Variants in ZDHHC21 observed in about 807,000 individuals in gnomAD.
The protein encoded by ZDHHC21 is zDHHC palmitoyltransferase 21.
ZDHHC21 carries 15 observed loss-of-function variants against 34.6 expected under a neutral mutation model. That is an observed-to-expected ratio of 0.43 (90% CI 0.29 to 0.67). The LOEUF is 0.67. ZDHHC21 is among the 30% of genes least tolerant of loss of function. ZDHHC21 has a pLI of 0.14. For synonymous variants in ZDHHC21, 142 were observed against 101.8 expected, an observed-to-expected ratio of 1.40 and a Z score of -2.38; for missense variants, 344 against 327.7, an observed-to-expected ratio of 1.05 and a Z score of -0.38.
At chr9:14,678,898 T>C (rs911550644) in intron 3 of ZDHHC21, among the ~76,000 whole-genome samples, 2 of 152,062 alleles carry the variant, frequency 1.3e-5, no homozygotes, top group African/African-American at 4.8e-5. Flanking sequence ...ACCCACAACA[T>C]ACTGCTGAGT....
chr9:14,685,172 G>A (rs903816687), intron 2 of ZDHHC21, among the ~76,000 whole-genome samples: 10 of 151,486 alleles, frequency 6.6e-5, no homozygotes, highest in African/African-American at 2.4e-5. Flanking sequence ...AACACCAAAA[G>A]CAATGGCAAC....
At chr9:14,609,420 G>A (rs1175496045), downstream of ZDHHC21, among the ~76,000 whole-genome samples, 4 of 152,060 alleles carry the variant, frequency 2.6e-5, no homozygotes, top group East Asian at 1.9e-4. Flanking sequence ...TATTTGGCAA[G>A]CATTTTCTCA....
At chr9:14,629,483 GTA>G (rs1455437226) in intron 8 of ZDHHC21, among the ~76,000 whole-genome samples, 1 of 152,092 alleles carries the variant, frequency 6.6e-6, no homozygotes, top group African/African-American at 2.4e-5. Flanking sequence ...AATGAAGCGA[GTA>G]TTGCAATAAA....
At chr9:14,677,060 C>T (rs1289036882) in intron 3 of ZDHHC21, among the ~76,000 whole-genome samples, 1 of 151,956 alleles carries the variant, frequency 6.6e-6, no homozygotes, top group African/African-American at 2.4e-5. Context: ...TTTTTGAACT[C>T]TATTTTTATT....
At chr9:14,641,965 T>C (rs751858846) in intron 7 of ZDHHC21, among the ~76,000 whole-genome samples, 67 of 152,200 alleles carry the variant, frequency 4.4e-4, no homozygotes, top group African/African-American at 1.5e-3. Flanking sequence ...TATTGCATTA[T>C]AGCAGAGCTT....
chr9:14,648,843 A>G (rs1354683516), intron 7 of ZDHHC21, among the ~76,000 whole-genome samples: 1 of 152,062 alleles, frequency 6.6e-6, no homozygotes, highest in Admixed American at 6.6e-5. Flanking sequence ...TAAAATGACA[A>G]TTTTCCTATC....
chr9:14,604,615 G>C, the ZDHHC21 span, among the ~76,000 whole-genome samples: 153 of 152,122 alleles, frequency 1.0e-3, no homozygotes, highest in African/African-American at 3.4e-3. Flanking sequence ...CAAAACATTA[G>C]CATGTAATTA....
intron 7 of ZDHHC21, among the ~76,000 whole-genome samples, chr9:14,649,041 G>A (rs1830757916): frequency 6.6e-6 from 1 of 151,758 alleles, no homozygotes; most frequent in African/African-American, 2.4e-5. Context: ...ACACTCTTGT[G>A]CATTGCAGAA....
At position 14,633,328 on chromosome 9, in the gene ZDHHC21, G is replaced by T. The variant is rs541018111; in HGVS notation, c.621+6568C>A. ...GCTGGGGACATGGAGAGGCTCCCCA[G>T]TGCAGGAAAAGGGTAAGTCAGTGAC... On this transcript the variant is annotated intron_variant, in intron 8 of 9. Transcript: ENST00000380916. 3.9e-5 allele frequency among the ~76,000 whole-genome samples: 6 copies of T among 152,258 alleles called. No homozygotes were observed. The South Asian group carries it at 1.2e-3, about 32-fold the overall frequency.
chr9:14,631,710 G>C (rs1390986874), intron 8 of ZDHHC21, among the ~76,000 whole-genome samples: 1 of 152,014 alleles, frequency 6.6e-6, no homozygotes, highest in East Asian at 1.9e-4. Flanking sequence ...TTATTATTTG[G>C]CCTCATTTCA....
intron 6 of ZDHHC21, among the ~76,000 whole-genome samples, chr9:14,660,598 G>C (rs769282363): frequency 9.2e-5 from 14 of 152,014 alleles, no homozygotes; most frequent in Non-Finnish European, 2.1e-4. Flanking sequence ...AAAAATTCCT[G>C]AATCTCTTTA....
the ZDHHC21 span, among the ~76,000 whole-genome samples, chr9:14,598,700 A>G: frequency 6.6e-6 from 1 of 152,178 alleles, no homozygotes; most frequent in Non-Finnish European, 1.5e-5. Context: ...AAAATAGAAA[A>G]GCAATTCATG....
At chr9:14,590,287 C>G in the ZDHHC21 span, among the ~76,000 whole-genome samples, 2 of 151,938 alleles carry the variant, frequency 1.3e-5, no homozygotes, top group Non-Finnish European at 2.9e-5. Flanking sequence ...TGAACTGAGT[C>G]TTAGTAAGCT....
In ZDHHC21 at chr9:14,665,973, G is replaced by A. The variant is rs901718185; in HGVS notation, c.254-3647C>T. ...CAAAATCACCAGCTATCATCATAAT[G>A]ACAGGATCAAATTCACACATAACAA... On this transcript the variant is annotated intron_variant, in intron 5 of 9. Coordinates refer to ENST00000380916, the MANE Select transcript of ZDHHC21 (RefSeq NM_178566.6). Among the ~76,000 whole-genome samples the A allele has an allele frequency of 4.9e-3, 729 of 149,212 alleles. 3 individuals are homozygous for A. Among genetic ancestry groups the A allele is most frequent in the Admixed American group, 8.5e-3 (127 of 15,016 alleles).
Position 14,616,632 on chromosome 9 carries a change from A to G in ZDHHC21, c.*2334T>C, listed in dbSNP as rs1207388441. On this transcript the variant is annotated 3_prime_UTR_variant, in exon 10 of 10. Transcript: ENST00000380916. ...AACTGCCAGTTGGTTTTTCTCTAGT[A>G]GTCTAATAAGAATTAACAAAACCCA... 6.6e-6 allele frequency: 1 copy of G among 151,826 alleles called. No homozygotes were observed. Among genetic ancestry groups the G allele is most frequent in the Non-Finnish European group, 1.5e-5 (1 of 67,792 alleles). 9.4% of individuals were successfully genotyped at this position (151,826 alleles called of 1,614,324 possible).
At chr9:14,672,787 T>C in intron 5 of ZDHHC21, 43 bp downstream of exon 5, 1 of 1,324,046 alleles carries the variant, frequency 7.6e-7, no homozygotes. Context: ...ATAAAGACAG[T>C]AATTCTGGCA....
intron 8 of ZDHHC21, among the ~76,000 whole-genome samples, chr9:14,627,806 A>G (rs1396441083): frequency 6.6e-6 from 1 of 152,156 alleles, no homozygotes; most frequent in Admixed American, 6.6e-5. Context: ...ACCCAGCACT[A>G]TTAGTATTGG....
At chr9:14,682,065 G>A (rs4469563) in intron 2 of ZDHHC21, among the ~76,000 whole-genome samples, 52,808 of 151,946 alleles carry the variant, frequency 0.35, 9,704 homozygotes, top group Non-Finnish European at 0.4. Context: ...AGGAACAACC[G>A]GTACCAGCCA....
chr9:14,602,943 A>C, the ZDHHC21 span, among the ~76,000 whole-genome samples: 165 of 150,736 alleles, frequency 1.1e-3, 5 homozygotes, highest in East Asian at 2.5e-3. Context: ...AAAAAAAAAA[A>C]AAAAAAAAAA....
Sources: gnomAD v4.1 joint callset for allele counts (sites outside exome capture counted in the v4.1 genomes callset) on GRCh38, gnomAD v4.1.1 for gene constraint, MANE v1.5 for transcripts, NCBI Gene and HGNC (gene_info 2026-07-23, HGNC 2026-07-21) for gene names.